SPOCK1: variants seen among roughly 807,000 people sequenced by gnomAD.
SPOCK1 encodes the protein testican-1.
A neutral mutation model predicts 55.3 loss-of-function variants in SPOCK1; 23 were observed. The ratio of observed to expected loss-of-function variants is 0.42; its 90% CI spans 0.30 to 0.59. The LOEUF (loss-of-function observed/expected upper bound fraction) is 0.59, where lower values mean the gene tolerates loss of function less well. Ranked by LOEUF, SPOCK1 falls within the 20% of genes least tolerant of loss-of-function variation. The pLI is 0.22. For synonymous variants in SPOCK1, 226 were observed against 221.0 expected, an observed-to-expected ratio of 1.02 and a Z score of -0.20; for missense variants, 499 against 552.5, an observed-to-expected ratio of 0.90 and a Z score of 0.97.
rs577451467 is a variant in SPOCK1, at chr5:137,108,381, AAG to A, written c.474+4052_474+4053del. On this transcript the variant is annotated intron_variant, in intron 5 of 10. Transcript: ENST00000394945. ...TAATATTTGCCCCACTATGTTAAGAAAGAGAAAACACAAACTTCTAGATGTTC... is the reference window on the plus strand; with the variant it reads ...TAATATTTGCCCCACTATGTTAAGAAAGAAAACACAAACTTCTAGATGTTC... Among the ~76,000 whole-genome samples the A allele has an allele frequency of 1.6e-3, 247 of 152,320 alleles. 2 individuals carry two copies. The highest frequency in any genetic ancestry group is 1.7e-3 in the Non-Finnish European group (117 of 68,022).
At chr5:137,465,989 T>A (rs1217204598) in intron 2 of SPOCK1, among the ~76,000 whole-genome samples, 1 of 152,218 alleles carries the variant, frequency 6.6e-6, no homozygotes, top group Non-Finnish European at 1.5e-5. Context: ...GTTCATTACA[T>A]TTTAAGATCT....
intron 9 of SPOCK1, among the ~76,000 whole-genome samples, chr5:136,983,642 G>A (rs1184372452): frequency 1.6e-5 from 2 of 128,082 alleles, no homozygotes; most frequent in Non-Finnish European, 3.7e-5. Flanking sequence ...AAAATGGGCT[G>A]AGGCCCTGGG....
intron 3 of SPOCK1, among the ~76,000 whole-genome samples, chr5:137,202,368 T>A (rs1057410603): frequency 1.2e-4 from 19 of 152,338 alleles, no homozygotes; most frequent in Admixed American, 1.1e-3. Flanking sequence ...ATGTTTTTCT[T>A]GTGTTGGAAA....
intron 4 of SPOCK1, among the ~76,000 whole-genome samples, chr5:137,125,298 A>G (rs1278042690): frequency 2.0e-5 from 3 of 152,190 alleles, no homozygotes; most frequent in South Asian, 4.1e-4. Context: ...TATGGCTGAC[A>G]CTCCAGAGGG....
At chr5:137,471,099 A>G (rs890219660) in intron 2 of SPOCK1, among the ~76,000 whole-genome samples, 2 of 152,198 alleles carry the variant, frequency 1.3e-5, no homozygotes, top group South Asian at 2.1e-4. Flanking sequence ...CGTTGGCATT[A>G]TTGATCAACA....
chr5:137,440,532 T>C (rs1369696289), intron 2 of SPOCK1, among the ~76,000 whole-genome samples: 1 of 152,192 alleles, frequency 6.6e-6, no homozygotes, highest in African/African-American at 2.4e-5. Context: ...CCACTTGCTG[T>C]TCACGATCTT....
intron 3 of SPOCK1, 137 bp downstream of exon 3, chr5:137,266,873 A>T: frequency 4.4e-6 from 3 of 682,088 alleles, no homozygotes; most frequent in Non-Finnish European, 7.6e-6. Flanking sequence ...CTATCACCCC[A>T]GTCAATTCAG....
rs1382214998 is a variant in SPOCK1, at chr5:137,242,662, C to G, written c.232+24348G>C. 3.9e-5 allele frequency among the ~76,000 whole-genome samples: 6 copies of G among 152,142 alleles called. No homozygotes were observed. The East Asian group carries it at 1.2e-3, about 29-fold the overall frequency. ...CTGAGGTGGGAGAATCACCTGAGCCCAGGAGGTCGAGGCTGTAGTGAGCTG... is the reference window on the plus strand; with the variant it reads ...CTGAGGTGGGAGAATCACCTGAGCCGAGGAGGTCGAGGCTGTAGTGAGCTG... On this transcript the variant is annotated intron_variant, in intron 3 of 10. Transcript: ENST00000394945.
At chr5:137,489,390 G>C (rs1333580945) in intron 2 of SPOCK1, among the ~76,000 whole-genome samples, 1 of 152,178 alleles carries the variant, frequency 6.6e-6, no homozygotes, top group Non-Finnish European at 1.5e-5. Flanking sequence ...CTCTGACCAA[G>C]AAACACTATG....
chr5:137,176,138 C>T (rs925310418), intron 3 of SPOCK1, among the ~76,000 whole-genome samples: 9 of 152,106 alleles, frequency 5.9e-5, no homozygotes, highest in African/African-American at 2.2e-4. Context: ...AACTACCAAC[C>T]CTCTTGCTTA....
intron 5 of SPOCK1, among the ~76,000 whole-genome samples, chr5:137,103,170 T>C (rs1247357660): frequency 1.3e-5 from 2 of 152,190 alleles, no homozygotes; most frequent in Non-Finnish European, 2.9e-5. Context: ...TTTGTATTTT[T>C]AGTAGAGACA....
chr5:137,067,069 G>A (rs2127005968), intron 6 of SPOCK1, among the ~76,000 whole-genome samples: 1 of 151,508 alleles, frequency 6.6e-6, no homozygotes, highest in South Asian at 2.1e-4. Context: ...TCCACAGAAG[G>A]CAAATTCAAA....
At chr5:137,356,249 C>G (rs1750791896) in intron 2 of SPOCK1, among the ~76,000 whole-genome samples, 1 of 152,172 alleles carries the variant, frequency 6.6e-6, no homozygotes, top group African/African-American at 2.4e-5. Flanking sequence ...CCAAAAAGCC[C>G]ACTTATTACT....
chr5:137,147,686 A>T (rs1754223435), intron 3 of SPOCK1, among the ~76,000 whole-genome samples: 1 of 152,174 alleles, frequency 6.6e-6, no homozygotes, highest in Non-Finnish European at 1.5e-5. Flanking sequence ...TTACTTTCTT[A>T]GAGGCCCCCT....
intron 2 of SPOCK1, among the ~76,000 whole-genome samples, chr5:137,280,943 C>A (rs753309982): frequency 6.6e-6 from 1 of 152,106 alleles, no homozygotes; most frequent in Non-Finnish European, 1.5e-5. Context: ...ACCATCCTTA[C>A]ATAGTGCCCA....
rs548992271 is a variant in SPOCK1 at position 137,379,782 on chromosome 5, T to G, written c.187-112727A>C. Among the ~76,000 whole-genome samples, 11 of 152,328 alleles carry G rather than the reference T, an allele frequency of 7.2e-5. No homozygotes were observed. The South Asian group carries it at 1.9e-3, about 26-fold the overall frequency. On this transcript the variant is annotated intron_variant, in intron 2 of 10. Transcript: ENST00000394945. ...ACCACACCAGTCACCAGCCAGGGCT[T>G]GATGTGACAATAGAAGCTGTAAGGT...
intron 2 of SPOCK1, among the ~76,000 whole-genome samples, chr5:137,423,476 G>C (rs183564044): frequency 6.6e-6 from 1 of 152,174 alleles, no homozygotes; most frequent in Non-Finnish European, 1.5e-5. Flanking sequence ...CTCAAGCCTC[G>C]GCAATGGCGG....
intron 5 of SPOCK1, among the ~76,000 whole-genome samples, chr5:137,109,372 A>G (rs1428513761): frequency 6.6e-6 from 1 of 152,060 alleles, no homozygotes; most frequent in East Asian, 1.9e-4. Flanking sequence ...TCTGCACCCC[A>G]TTGACTCAAA....
chr5:137,243,759 T>C (rs1452772707), intron 3 of SPOCK1, among the ~76,000 whole-genome samples: 1 of 152,200 alleles, frequency 6.6e-6, no homozygotes, highest in African/African-American at 2.4e-5. Context: ...CATGGCTAGC[T>C]GCAGGTATGA....
Sources: gnomAD v4.1 joint callset for allele counts (sites outside exome capture counted in the v4.1 genomes callset) on GRCh38, gnomAD v4.1.1 for gene constraint, MANE v1.5 for transcripts, NCBI Gene and HGNC (gene_info 2026-07-23, HGNC 2026-07-21) for gene names.